RNPEP: variants seen among roughly 807,000 people sequenced by gnomAD.
RNPEP encodes the protein arginyl aminopeptidase.
Under a neutral mutation model 70.1 loss-of-function variants are expected in RNPEP, and 57 were observed. The observed-to-expected ratio is 0.81, with a 90% CI of 0.66 to 1.01. The LOEUF (loss-of-function observed/expected upper bound fraction) is 1.01, where lower values mean the gene tolerates loss of function less well. RNPEP is among the 50% of genes least tolerant of loss of function. RNPEP has a pLI of 0.00. For synonymous variants in RNPEP, 335 were observed against 357.4 expected, an observed-to-expected ratio of 0.94 and a Z score of 0.71; for missense variants, 787 against 852.4, an observed-to-expected ratio of 0.92 and a Z score of 0.96.
chr1:201,994,054 G>C, intron 3 of RNPEP, among the ~76,000 whole-genome samples: 1 of 152,074 alleles, frequency 6.6e-6, no homozygotes, highest in South Asian at 2.1e-4. Context: ...ATGTTCTGCT[G>C]TTTTTCTTCT....
intron 1 of RNPEP, among the ~76,000 whole-genome samples, chr1:201,986,901 C>T (rs61821529): frequency 0.17 from 25,900 of 152,068 alleles, 2,385 homozygotes; most frequent in Middle Eastern, 0.32. Context: ...TGACTGTCAG[C>T]GTTAACCTCG....
rs144833089 is a variant in RNPEP at position 201,997,510 on chromosome 1, G to C, written c.1046G>C (p.Gly349Ala). ...TGGGGTGAATTCTGGCTCAATGAAG[G>C]TTTCACCATGTACGCCCAGAGGAGG... The part of the protein sequence containing the change: ...ANWGEFWLNE[G>A]FTMYAQRRIS... Residue 349 changes from glycine to alanine, a missense_variant, in exon 5 of 11, where the codon GGT (glycine) becomes GCT (alanine). Coordinates refer to ENST00000295640, the MANE Select transcript of RNPEP (RefSeq NM_020216.4). 118 of 1,613,944 alleles carry C rather than the reference G, an allele frequency of 7.3e-5. No homozygotes were observed. Among genetic ancestry groups the C allele is most frequent in the Non-Finnish European group, 9.0e-5 (106 of 1,180,018 alleles).
intron 1 of RNPEP, among the ~76,000 whole-genome samples, chr1:201,985,988 C>A (rs1018846385): frequency 6.6e-6 from 1 of 152,170 alleles, no homozygotes; most frequent in Non-Finnish European, 1.5e-5. Context: ...CAGTGAGTGG[C>A]ACAATCATGG....
In RNPEP at chr1:202,003,382, C is replaced by T. The variant is rs140812387; in HGVS notation, c.1572C>T (p.Ala524=). 2.1e-4 allele frequency: 336 copies of T among 1,614,120 alleles called. No homozygotes were observed. The Middle Eastern group carries it at 3.5e-3, about 17-fold the overall frequency. The change falls in exon 9 of 11, where the codon GCC becomes GCT. Residue 524 remains alanine (A), a synonymous_variant. Coordinates refer to ENST00000295640, the MANE Select transcript of RNPEP (RefSeq NM_020216.4). ...AEELDMKAIE[A]VAISPWKTYQ... ...AGCTGGACATGAAGGCCATTGAAGC[C>T]GTGGCCATCTCTCCCTGGAAGACCT...
intron 3 of RNPEP, among the ~76,000 whole-genome samples, chr1:201,994,433 C>T (rs1571632887): frequency 6.6e-6 from 1 of 152,140 alleles, no homozygotes; most frequent in East Asian, 1.9e-4. Flanking sequence ...CCTCCTGCCA[C>T]TGCCTCCCTC....
chr1:201,988,939 G>C lies in RNPEP; in HGVS notation c.483G>C (p.Lys161Asn). Residue 161 changes from lysine (K) to asparagine (N), a missense_variant, in exon 2 of 11, where the codon AAG (lysine) becomes AAC (asparagine). Physicochemically the swap from Lys to Asn is moderately conservative, Grantham distance 94 (BLOSUM62 0). Coordinates refer to ENST00000295640, the MANE Select transcript of RNPEP (RefSeq NM_020216.4). ...TGGCTCCCGAGCAGACAGCAGGAAA[G>C]AAGAAGCCCTTCGTGTACACCCAGG... The part of the protein sequence containing the change: ...CWLAPEQTAG[K>N]KKPFVYTQGQ... 2.5e-6 allele frequency: 4 copies of C among 1,613,498 alleles called. No homozygotes were observed. Among genetic ancestry groups the C allele is most frequent in the Non-Finnish European group, 3.4e-6 (4 of 1,179,754 alleles).
chr1:202,003,044 G>A (rs1051201924), intron 8 of RNPEP, 193 bp from the exon 9 acceptor site: 35 of 570,046 alleles, frequency 6.1e-5, no homozygotes, highest in Non-Finnish European at 4.7e-5. Context: ...CGGTCGAAAC[G>A]GCACAGTCTC....
At position 201,983,064 on chromosome 1, in the gene RNPEP, C is replaced by A. The variant is rs761612183; in HGVS notation, c.398C>A (p.Ala133Asp). 30 of 1,527,344 alleles carry A rather than the reference C, an allele frequency of 2.0e-5. No individual in the cohort carries two copies. Among genetic ancestry groups the A allele is most frequent in the Non-Finnish European group, 2.6e-5 (30 of 1,143,138 alleles). 94.6% of individuals were successfully genotyped at this position (1,527,344 alleles called of 1,614,324 possible). The change falls in exon 1 of 11, where the codon GCC (alanine) becomes GAC (aspartate). Residue 133 changes from alanine (A) to aspartate (D), a missense_variant. By Grantham distance (126) the Ala-to-Asp change is moderately radical (BLOSUM62 -2). Transcript: ENST00000295640. Reference sequence around the variant, plus strand: ...TCCTTCCCGCAGCCCTGCCGCGCCGCCGAGCGCCTCCAGGTGCTGCTCACC... The same window carrying A: ...TCCTTCCCGCAGCCCTGCCGCGCCGACGAGCGCCTCCAGGTGCTGCTCACC... ...CVSFPQPCRA[A>D]ERLQVLLTYR...
intron 1 of RNPEP, among the ~76,000 whole-genome samples, chr1:201,984,613 TAAC>T (rs35550995): frequency 0.55 from 83,366 of 151,220 alleles, 23,304 homozygotes; most frequent in Non-Finnish European, 0.6. Context: ...GACCCTGTTT[TAAC>T]AACAACAACA....
In RNPEP at chr1:202,005,543, G is replaced by A. The variant is rs372636749; in HGVS notation, c.1795-15G>A. 14 of 1,613,696 alleles carry A rather than the reference G, an allele frequency of 8.7e-6. No homozygotes were observed. Among genetic ancestry groups the A allele is most frequent in the Non-Finnish European group, 1.2e-5 (14 of 1,179,770 alleles). ...AGGCAAGCTTCTTAGGCATGTGTAT[G>A]TGTGTTTCTTGCAGGGGAAGCAGAA... On this transcript the variant is annotated splice_polypyrimidine_tract_variant and intron_variant, in intron 10 of 10. Coordinates refer to ENST00000295640, the MANE Select transcript of RNPEP (RefSeq NM_020216.4).
chr1:201,999,207 ACT>A (rs1571640976), intron 5 of RNPEP, among the ~76,000 whole-genome samples: 1 of 131,328 alleles, frequency 7.6e-6, no homozygotes, highest in South Asian at 2.4e-4. Context: ...ACAGAGCGAG[ACT>A]CTGTCTCAAA....
chr1:201,982,939 G>A lies in RNPEP; in HGVS notation c.273G>A (p.Ala91=). 2 of 1,488,840 alleles carry A rather than the reference G, an allele frequency of 1.3e-6. No individual in the cohort carries two copies. Among genetic ancestry groups the A allele is most frequent in the Non-Finnish European group, 1.8e-6 (2 of 1,122,854 alleles). 92.2% of individuals were successfully genotyped at this position (1,488,840 alleles called of 1,614,324 possible). The change falls in exon 1 of 11, where the codon GCG becomes GCA. Residue 91 remains alanine (A), a synonymous_variant. Transcript: ENST00000295640. ...ACCCGTGCCTGGAGGTGACGGCGGCGGCGCTGCGGCGGGAGCGGCCCGGCT... is the reference window on the plus strand; with the variant it reads ...ACCCGTGCCTGGAGGTGACGGCGGCAGCGCTGCGGCGGGAGCGGCCCGGCT... ...DSHPCLEVTA[A]ALRRERPGSE...
At position 202,004,419 on chromosome 1, in the gene RNPEP, C is replaced by T. The variant is rs778839745; in HGVS notation, c.1717C>T (p.Leu573=). Residue 573 remains leucine (L), a synonymous_variant, in exon 10 of 11, where the codon CTG becomes TTG. Transcript: ENST00000295640. Reference sequence around the variant, plus strand: ...AAATGCCCGGAATGCAGAGCTCCGGCTGCGATGGGGCCAAATCGTCCTTAA... The same window carrying T: ...AAATGCCCGGAATGCAGAGCTCCGGTTGCGATGGGGCCAAATCGTCCTTAA... ...ISNARNAELR[L]RWGQIVLKND... is the part of the protein sequence containing the mutation. 1.2e-6 allele frequency: 2 copies of T among 1,614,208 alleles called. No homozygotes were observed. Among genetic ancestry groups the T allele is most frequent in the Admixed American group, 3.3e-5 (2 of 60,028 alleles).
chr1:201,983,167 A>C, intron 1 of RNPEP, 54 bp downstream of exon 1: 1 of 1,419,032 alleles, frequency 7.0e-7, no homozygotes, highest in Non-Finnish European at 9.1e-7. Context: ...TCCGGCCCCC[A>C]GCCGCCCTGC....
Position 202,005,960 on chromosome 1 carries a change from A to G in RNPEP, c.*244A>G. The G allele has an allele frequency of 2.0e-6, 1 of 501,894 alleles. No individual in the cohort carries two copies. Among genetic ancestry groups the G allele is most frequent in the South Asian group, 3.1e-5 (1 of 32,320 alleles). The allele number at this position is 501,894 out of a possible 1,614,324, so 31.1% of individuals were successfully genotyped here. A position where few individuals can be genotyped will look rare whatever the true frequency, so the allele number is the denominator to read the frequency against. On this transcript the variant is annotated 3_prime_UTR_variant, in exon 11 of 11. Coordinates refer to ENST00000295640, the MANE Select transcript of RNPEP (RefSeq NM_020216.4). ...GCTCTCCCCGCTACAGGCTGCAGGCACTGCAGGGCAGCGGGTATTCTCCTC... is the reference window on the plus strand; with the variant it reads ...GCTCTCCCCGCTACAGGCTGCAGGCGCTGCAGGGCAGCGGGTATTCTCCTC...
Position 202,003,266 on chromosome 1 carries a change from C to G in RNPEP, c.1456C>G (p.Pro486Ala), listed in dbSNP as rs1352741351. The change falls in exon 9 of 11, where the codon CCC becomes GCC. Residue 486 changes from proline (P) to alanine (A), a missense_variant. Transcript: ENST00000295640. ...GFEFDRWLNT[P>A]GWPPYLPDLS... ...TGAGTTTGATCGATGGCTGAATACC[C>G]CCGGCTGGCCCCCGTACCTCCCTGA... 1 of 1,613,370 alleles carries G rather than the reference C, an allele frequency of 6.2e-7. No individual in the cohort carries two copies. Among genetic ancestry groups the G allele is most frequent in the Non-Finnish European group, 8.5e-7 (1 of 1,179,712 alleles).
Position 202,001,772 on chromosome 1 carries a change from G to T in RNPEP, c.1426+5G>T. The T allele has an allele frequency of 6.6e-7, 1 of 1,516,544 alleles. No homozygotes were observed. The highest frequency in any genetic ancestry group is 9.2e-7 in the Non-Finnish European group (1 of 1,091,208). The allele number at this position is 1,516,544 out of a possible 1,614,324, so 93.9% of individuals were successfully genotyped here. On this transcript the variant is annotated splice_donor_5th_base_variant and intron_variant, in intron 8 of 10. Transcript: ENST00000295640. ...AGAGAGTGGATATCATTCCAGGTAA[G>T]CAGAGGAACTGGCCCACAGGCTTCT... is the stretch of plus-strand genomic sequence containing the variant.
intron 6 of RNPEP, 49 bp downstream of exon 6, chr1:202,000,064 G>A (rs1683735654): frequency 1.4e-6 from 2 of 1,384,552 alleles, no homozygotes; most frequent in African/African-American, 1.4e-5. Context: ...ATTGAGCTTG[G>A]AGCCCCAAGT....
intron 3 of RNPEP, among the ~76,000 whole-genome samples, chr1:201,990,636 A>G (rs1683294072): frequency 6.7e-6 from 1 of 149,068 alleles, no homozygotes; most frequent in Non-Finnish European, 1.5e-5. Context: ...AACTGGGCTC[A>G]GTGGCACTGC....
Sources: gnomAD v4.1 joint callset for allele counts (sites outside exome capture counted in the v4.1 genomes callset) on GRCh38, gnomAD v4.1.1 for gene constraint, MANE v1.5 for transcripts, NCBI Gene and HGNC (gene_info 2026-07-23, HGNC 2026-07-21) for gene names.